The following HOMER2 variants were observed in gnomAD, a reference collection of about 807,000 sequenced individuals.
The protein encoded by HOMER2 is homer protein homolog 2.
In HOMER2, 27 loss-of-function variants were observed where a neutral mutation model predicts 47.0. That is an observed-to-expected ratio of 0.57 (90% CI 0.42 to 0.79). The LOEUF is 0.79. Ranked by LOEUF, HOMER2 falls within the 30% of genes least tolerant of loss-of-function variation. HOMER2 has a pLI of 0.00. For missense variants in HOMER2, 443 were observed against 435.0 expected (o/e 1.02, Z -0.16); for synonymous variants, 161 against 163.8 (o/e 0.98, Z 0.13).
intron 1 of HOMER2, among the ~76,000 whole-genome samples, chr15:82,919,040 C>A (rs1399019468): frequency 1.3e-5 from 2 of 152,168 alleles, no homozygotes; most frequent in African/African-American, 4.8e-5. Context: ...GGGATCTCAA[C>A]CCTCAGGGTG....
chr15:82,928,265 G>T (rs115842462), intron 1 of HOMER2, among the ~76,000 whole-genome samples: 2,022 of 152,272 alleles, frequency 0.013, 53 homozygotes, highest in African/African-American at 0.047. Flanking sequence ...AAATAAAGCT[G>T]TTGATTCTGA....
intron 3 of HOMER2, among the ~76,000 whole-genome samples, chr15:82,874,692 C>G (rs1373251568): frequency 1.3e-5 from 2 of 152,236 alleles, no homozygotes; most frequent in South Asian, 2.1e-4. Flanking sequence ...AAGCTAAGCG[C>G]TTCCATTATG....
rs370748722 is a variant in HOMER2, at chr15:82,841,114, CAAGT to C, written c.*6156_*6159del. 396 of 152,066 alleles carry C rather than the reference CAAGT, an allele frequency of 2.6e-3. 2 individuals are homozygous for C. Among genetic ancestry groups the C allele is most frequent in the African/African-American group, 8.8e-3 (366 of 41,510 alleles). 9.4% of individuals were successfully genotyped at this position (152,066 alleles called of 1,614,324 possible). Reference sequence around the variant, plus strand: ...ATTTAAAGCTCTTATTTTTATTATACAAGTAATACACAATCTTTGTAGAAAAATC... The same window carrying C: ...ATTTAAAGCTCTTATTTTTATTATACAATACACAATCTTTGTAGAAAAATC... On this transcript the variant is annotated 3_prime_UTR_variant, in exon 2 of 2. Coordinates refer to the HOMER2 transcript ENST00000558090.
intron 3 of HOMER2, among the ~76,000 whole-genome samples, chr15:82,871,574 G>C (rs777104832): frequency 2.0e-5 from 3 of 152,184 alleles, no homozygotes; most frequent in Non-Finnish European, 2.9e-5. Context: ...GGAAGAAGTT[G>C]ATTTGAAACA....
upstream of HOMER2, among the ~76,000 whole-genome samples, chr15:82,955,682 CATTAT>C (rs2054581266): frequency 6.6e-6 from 1 of 152,258 alleles, no homozygotes; most frequent in Non-Finnish European, 1.5e-5. Context: ...GCAGCTATTA[CATTAT>C]ATTTGTGAAG....
intron 2 of HOMER2, among the ~76,000 whole-genome samples, chr15:82,892,052 T>C (rs2052726515): frequency 1.3e-5 from 2 of 151,828 alleles, no homozygotes; most frequent in Admixed American, 1.3e-4. Context: ...CCCATGATAA[T>C]GTGGCAAAAA....
intron 1 of HOMER2, among the ~76,000 whole-genome samples, chr15:82,911,420 C>T (rs1329593351): frequency 5.3e-5 from 8 of 152,016 alleles, no homozygotes; most frequent in South Asian, 4.2e-4. Context: ...TGTAAATGTA[C>T]GGCTACCACT....
chr15:82,864,387 T>C lies in HOMER2; in HGVS notation c.295-128A>G, dbSNP rs182959129. ...TCTGTATAAATCCAGAAGAATTTTA[T>C]TTGCTATTAAATGAATATAAGGATG... On this transcript the variant is annotated intron_variant, in intron 3 of 8. Transcript: ENST00000450735. 246 of 594,262 alleles carry C rather than the reference T, an allele frequency of 4.1e-4. No individual in the cohort carries two copies. The African/African-American group carries it at 4.2e-3, about 10-fold the overall frequency. The allele number at this position is 594,262 out of a possible 1,614,324, so 36.8% of individuals were successfully genotyped here. A position where few individuals can be genotyped will look rare whatever the true frequency, so the allele number is the denominator to read the frequency against.
intron 5 of HOMER2, 147 bp from the exon 6 acceptor site, chr15:82,854,947 C>G: frequency 1.2e-6 from 1 of 839,964 alleles, no homozygotes; most frequent in South Asian, 1.8e-5. Context: ...GTGGGTCTGG[C>G]TACCCTGATC....
chr15:82,847,759 T>C (rs1164090754), downstream of HOMER2, among the ~76,000 whole-genome samples: 1 of 152,204 alleles, frequency 6.6e-6, no homozygotes. Context: ...CAGTGTCCAC[T>C]GCTCCCAGGC....
chr15:82,860,970 A>AGAGAGAGAGAGAGAGAGAGAGG (rs2051763599), intron 4 of HOMER2, among the ~76,000 whole-genome samples: 1 of 148,486 alleles, frequency 6.7e-6, no homozygotes, highest in Non-Finnish European at 1.5e-5. Flanking sequence ...AGAGAGAGAG[A>AGAGAGAGAGAGAGAGAGAGAGG]GAGAGAGAGA....
chr15:82,924,217 G>A (rs1019983526), intron 1 of HOMER2, among the ~76,000 whole-genome samples: 4 of 152,128 alleles, frequency 2.6e-5, no homozygotes, highest in South Asian at 2.1e-4. Flanking sequence ...TGTGGGTAAC[G>A]GGTTAAGATC....
At chr15:82,904,203 C>T (rs1029863660) in intron 1 of HOMER2, among the ~76,000 whole-genome samples, 5 of 152,164 alleles carry the variant, frequency 3.3e-5, no homozygotes, top group African/African-American at 9.7e-5. Flanking sequence ...AGTGAGGTCA[C>T]AGGGCAAACC....
At chr15:82,839,244 T>C (rs1250388287) in exon 2 of HOMER2, 1 of 152,254 alleles carries the variant, frequency 6.6e-6, no homozygotes, top group East Asian at 1.9e-4. Flanking sequence ...TGCCTTTGTG[T>C]GGGCCCTACT....
intron 1 of HOMER2, among the ~76,000 whole-genome samples, chr15:82,979,260 G>T (rs983012692): frequency 2.0e-5 from 3 of 152,122 alleles, no homozygotes; most frequent in African/African-American, 7.2e-5. Flanking sequence ...AGGGAGAGTG[G>T]CAAGAGATGA....
At chr15:82,956,570 A>C (rs2151247684), upstream of HOMER2, among the ~76,000 whole-genome samples, 1 of 152,340 alleles carries the variant, frequency 6.6e-6, no homozygotes, top group East Asian at 1.9e-4. Flanking sequence ...TAAGAAGGGG[A>C]CAAGAGTAAA....
intron 1 of HOMER2, among the ~76,000 whole-genome samples, chr15:82,902,774 T>C (rs1183653567): frequency 4.6e-5 from 7 of 152,128 alleles, no homozygotes. Flanking sequence ...ACTGGAAAAA[T>C]AATGTTCTCA....
At chr15:82,963,220 G>A (rs1289282564) in intron 1 of HOMER2, among the ~76,000 whole-genome samples, 12 of 152,130 alleles carry the variant, frequency 7.9e-5, no homozygotes, top group Admixed American at 7.9e-4. Flanking sequence ...GAATAGCTGG[G>A]ATTACAGGTG....
chr15:82,921,046 G>C (rs2053715440), intron 1 of HOMER2, among the ~76,000 whole-genome samples: 1 of 152,114 alleles, frequency 6.6e-6, no homozygotes, highest in African/African-American at 2.4e-5. Flanking sequence ...TGTAATCCCA[G>C]CACTTTGGGA....
Sources: allele counts gnomAD v4.1 joint callset (sites outside exome capture counted in the v4.1 genomes callset), GRCh38; gene constraint gnomAD v4.1.1; transcripts MANE v1.5; gene names NCBI Gene and HGNC (gene_info 2026-07-23, HGNC 2026-07-21).